Variants in DOCK8 observed in about 807,000 individuals in gnomAD.
DOCK8 encodes dedicator of cytokinesis protein 8.
Under a neutral mutation model 245.6 loss-of-function variants are expected in DOCK8, and 141 were observed. That is an observed-to-expected ratio of 0.57 (90% CI 0.50 to 0.66). The LOEUF is 0.66. DOCK8 is among the 30% of genes least tolerant of loss of function. The probability of loss-of-function intolerance (pLI) is 0.00; values close to 1 mark genes in which losing one functional copy is unlikely to be tolerated. For missense variants in DOCK8, 2,965 were observed against 2,603.4 expected (o/e 1.14, Z -3.02); for synonymous variants, 1,168 against 970.2 (o/e 1.20, Z -3.79).
chr9:421,003 G>A lies in DOCK8; in HGVS notation c.4078G>A (p.Val1360Ile), dbSNP rs1462351448. ...STQVLQKSRD[V>I]KARLEEALLR... Reference sequence around the variant, plus strand: ...CCAAGTCCTGCAGAAGTCAAGGGATGTCAAGGCCCGGCTGGAAGAGGCTTT... The same window carrying A: ...CCAAGTCCTGCAGAAGTCAAGGGATATCAAGGCCCGGCTGGAAGAGGCTTT... The change falls in exon 32 of 48, where the codon GTC becomes ATC. Residue 1360 changes from valine to isoleucine, a missense_variant. Transcript: ENST00000432829. 1.2e-6 allele frequency: 2 copies of A among 1,614,098 alleles called. No individual in the cohort carries two copies. The highest frequency in any genetic ancestry group is 1.3e-5 in the African/African-American group (1 of 74,940).
chr9:235,650 A>G (rs2047226689), intron 1 of DOCK8, among the ~76,000 whole-genome samples: 1 of 152,218 alleles, frequency 6.6e-6, no homozygotes, highest in African/African-American at 2.4e-5. Flanking sequence ...GTTTGATCTC[A>G]GACTGCTGTG....
chr9:436,009 T>C (rs565696927), intron 39 of DOCK8, among the ~76,000 whole-genome samples: 10 of 152,336 alleles, frequency 6.6e-5, no homozygotes, highest in Non-Finnish European at 1.2e-4. Flanking sequence ...TTTGTTCTTG[T>C]TATTGTTCTT....
chr9:340,542 A>T (rs1278455645), intron 14 of DOCK8: 1 of 516,678 alleles, frequency 1.9e-6, no homozygotes, highest in African/African-American at 1.9e-5. Flanking sequence ...AATCGCTTGA[A>T]CCCAGGAGGC....
intron 46 of DOCK8, among the ~76,000 whole-genome samples, chr9:461,979 T>C (rs913808883): frequency 2.0e-5 from 3 of 151,960 alleles, no homozygotes; most frequent in Non-Finnish European, 4.4e-5. Flanking sequence ...TTTTTTTTTT[T>C]CTAGTTACAT....
intron 1 of DOCK8, among the ~76,000 whole-genome samples, chr9:243,918 C>G (rs372150641): frequency 1.6e-4 from 25 of 152,224 alleles, no homozygotes; most frequent in African/African-American, 5.3e-4. Context: ...GGCGCGGTGG[C>G]TCATGCCTGT....
intron 28 of DOCK8, among the ~76,000 whole-genome samples, chr9:409,544 A>T (rs1240959416): frequency 6.6e-6 from 1 of 152,148 alleles, no homozygotes; most frequent in Non-Finnish European, 1.5e-5. Context: ...GAAAGAAAAA[A>T]ATGTATATAT....
At chr9:449,695 T>C in intron 44 of DOCK8, 89 bp from the exon 45 acceptor site, 1 of 1,566,646 alleles carries the variant, frequency 6.4e-7, no homozygotes, top group Non-Finnish European at 8.8e-7. Context: ...CCTCTTCAAA[T>C]TCAGGTGGCC....
At chr9:299,566 A>C (rs2049431639) in intron 4 of DOCK8, among the ~76,000 whole-genome samples, 2 of 151,766 alleles carry the variant, frequency 1.3e-5, no homozygotes, top group Admixed American at 1.3e-4. Flanking sequence ...CCCAGCCTGT[A>C]CATTTTCCTT....
At chr9:357,191 A>G (rs1040503356) in intron 14 of DOCK8, among the ~76,000 whole-genome samples, 62 of 152,360 alleles carry the variant, frequency 4.1e-4, no homozygotes, top group African/African-American at 1.5e-3. Flanking sequence ...CTCAAAAGGA[A>G]CTTTTACTTA....
intron 14 of DOCK8, among the ~76,000 whole-genome samples, chr9:364,491 G>T (rs1415299395): frequency 6.6e-6 from 1 of 151,902 alleles, no homozygotes; most frequent in African/African-American, 2.4e-5. Context: ...AAATTAGCCA[G>T]GTGGTCATGA....
intron 14 of DOCK8, among the ~76,000 whole-genome samples, chr9:347,280 G>A (rs533416236): frequency 6.6e-6 from 1 of 152,202 alleles, no homozygotes; most frequent in East Asian, 1.9e-4. Flanking sequence ...GAGGCGGGAG[G>A]ATCCATTGAG....
At chr9:271,553 C>A in intron 1 of DOCK8, 74 bp from the exon 2 acceptor site, 1 of 1,185,578 alleles carries the variant, frequency 8.4e-7, no homozygotes, top group South Asian at 1.3e-5. Flanking sequence ...AACATGATAT[C>A]AAAGATTGCA....
At chr9:296,892 CA>C (rs1165937470) in intron 4 of DOCK8, among the ~76,000 whole-genome samples, 5 of 152,202 alleles carry the variant, frequency 3.3e-5, no homozygotes, top group Non-Finnish European at 7.3e-5. Context: ...TGTTAACACA[CA>C]CCAGCCTGGT....
In DOCK8 at chr9:316,396, G is replaced by A. The variant is rs142203756; in HGVS notation, c.742-647G>A. On this transcript the variant is annotated intron_variant, in intron 6 of 47. Transcript: ENST00000432829. ...ATAGGGGCTTGATATTTCTCTTTAA[G>A]TGTTTAGTTTCTGTGCGGTAAAATA... Among the ~76,000 whole-genome samples, 471 of 152,300 alleles carry A rather than the reference G, an allele frequency of 3.1e-3. 3 individuals carry two copies. Among genetic ancestry groups the A allele is most frequent in the Non-Finnish European group, 4.2e-3 (284 of 68,024 alleles).
At chr9:374,453 GTTT>G (rs762085208) in intron 18 of DOCK8, among the ~76,000 whole-genome samples, 2,756 of 75,122 alleles carry the variant, frequency 0.037, 41 homozygotes, top group African/African-American at 0.1. Flanking sequence ...GTCCTTTTGT[GTTT>G]TTTTTTTTTT....
At chr9:428,873 C>G (rs1018656023) in intron 35 of DOCK8, among the ~76,000 whole-genome samples, 1 of 152,168 alleles carries the variant, frequency 6.6e-6, no homozygotes, top group Non-Finnish European at 1.5e-5. Flanking sequence ...AAATGTCATG[C>G]CATAAAATGC....
intron 1 of DOCK8, among the ~76,000 whole-genome samples, chr9:267,628 G>A (rs577306718): frequency 3.9e-5 from 6 of 152,240 alleles, no homozygotes; most frequent in Admixed American, 2.6e-4. Context: ...ATATTTCCAC[G>A]TATATTGTTA....
Position 304,689 on chromosome 9 carries a change from T to C in DOCK8, c.513T>C (p.Ser171=), listed in dbSNP as rs2049729975. 1.2e-6 allele frequency: 2 copies of C among 1,614,202 alleles called. No homozygotes were observed. Among genetic ancestry groups the C allele is most frequent in the Middle Eastern group, 1.6e-4 (1 of 6,062 alleles). ...TTGAGTCGGAAACCTTGGAGTGCAG[T>C]GAACCCGCTGCTCAGGTATTTCCTG... is the stretch of plus-strand genomic sequence containing the variant. ...QTFESETLEC[S]EPAAQAGPRH... The change falls in exon 5 of 48, where the codon AGT becomes AGC. Residue 171 remains serine, a synonymous_variant. Coordinates refer to ENST00000432829, the MANE Select transcript of DOCK8 (RefSeq NM_203447.4).
chr9:265,728 A>G (rs929056428), intron 1 of DOCK8, among the ~76,000 whole-genome samples: 3 of 152,186 alleles, frequency 2.0e-5, no homozygotes, highest in South Asian at 2.1e-4. Context: ...GAAGCCTTCC[A>G]GGGCTGTTTG....
Sources: allele counts gnomAD v4.1 joint callset (sites outside exome capture counted in the v4.1 genomes callset), GRCh38; gene constraint gnomAD v4.1.1; transcripts MANE v1.5; gene names NCBI Gene and HGNC (gene_info 2026-07-23, HGNC 2026-07-21).